RIMKLB: variants seen among roughly 807,000 people sequenced by gnomAD.
RIMKLB encodes beta-citrylglutamate synthase B.
A neutral mutation model predicts 32.0 loss-of-function variants in RIMKLB; 7 were observed. That is an observed-to-expected ratio of 0.22 (90% CI 0.12 to 0.41). The LOEUF (loss-of-function observed/expected upper bound fraction) is 0.41. Among genes scored for constraint, RIMKLB ranks in the 10% least tolerant of loss-of-function variants. RIMKLB has a pLI of 1.00. For synonymous variants in RIMKLB, 172 were observed against 185.1 expected (o/e 0.93, Z 0.57); for missense variants, 289 against 498.7 (o/e 0.58, Z 4.00).
At chr12:8,708,138 A>G (rs1565557879) in intron 1 of RIMKLB, among the ~76,000 whole-genome samples, 1 of 152,106 alleles carries the variant, frequency 6.6e-6, no homozygotes, top group Non-Finnish European at 1.5e-5. Context: ...TTCTATACAG[A>G]TTCTATTGTG....
intron 2 of RIMKLB, among the ~76,000 whole-genome samples, chr12:8,714,985 T>C (rs1402106516): frequency 6.6e-6 from 1 of 152,302 alleles, no homozygotes; most frequent in Non-Finnish European, 1.5e-5. Flanking sequence ...TACAATAAAA[T>C]CTTACCTTTA....
rs769335545 is a variant in RIMKLB, at chr12:8,713,805, A to G, written c.-56-6A>G. On this transcript the variant is annotated splice_region_variant and splice_polypyrimidine_tract_variant and intron_variant, in intron 1 of 5. Coordinates refer to ENST00000535829, the MANE Select transcript of RIMKLB (RefSeq NM_001297776.2). Reference sequence around the variant, plus strand: ...ACCTTTTATGTATATTTTTTCTTCCATCTAGGTAGACGTTACATCCAAGAG... The same window carrying G: ...ACCTTTTATGTATATTTTTTCTTCCGTCTAGGTAGACGTTACATCCAAGAG... 6 of 1,532,980 alleles carry G rather than the reference A, an allele frequency of 3.9e-6. No homozygotes were observed. The highest frequency in any genetic ancestry group is 5.4e-6 in the Non-Finnish European group (6 of 1,106,696). The allele number at this position is 1,532,980 out of a possible 1,614,324, so 95.0% of individuals were successfully genotyped here.
chr12:8,725,951 G>A (rs1014693686), intron 2 of RIMKLB, among the ~76,000 whole-genome samples: 3 of 152,186 alleles, frequency 2.0e-5, no homozygotes, highest in Admixed American at 6.5e-5. Context: ...AGGTTCAAGC[G>A]ATTCTCCTGT....
intron 2 of RIMKLB, among the ~76,000 whole-genome samples, chr12:8,727,773 C>T (rs762899769): frequency 6.6e-6 from 1 of 152,032 alleles, no homozygotes; most frequent in East Asian, 1.9e-4. Context: ...GTGGCGGGCA[C>T]CTGTAATCCC....
At chr12:8,755,198 G>A (rs943502060) in intron 5 of RIMKLB, among the ~76,000 whole-genome samples, 2 of 152,026 alleles carry the variant, frequency 1.3e-5, no homozygotes, top group Non-Finnish European at 2.9e-5. Flanking sequence ...TGATATGCCT[G>A]CCTCGGCCTC....
chr12:8,778,750 G>T (rs1402968634), downstream of RIMKLB, among the ~76,000 whole-genome samples: 1 of 152,156 alleles, frequency 6.6e-6, no homozygotes, highest in African/African-American at 2.4e-5. Flanking sequence ...CTAATAGGTA[G>T]AATTTTAGTG....
At chr12:8,710,803 A>G (rs926123213) in intron 1 of RIMKLB, among the ~76,000 whole-genome samples, 1 of 151,974 alleles carries the variant, frequency 6.6e-6, no homozygotes, top group Admixed American at 6.6e-5. Context: ...CAACTGCCAC[A>G]CTCAGGTGAA....
Position 8,776,557 on chromosome 12 carries a change from A to G in RIMKLB, c.*2773A>G. 3 of 813,248 alleles carry G rather than the reference A, an allele frequency of 3.7e-6. No homozygotes were observed. Among genetic ancestry groups the G allele is most frequent in the Non-Finnish European group, 4.5e-6 (3 of 673,312 alleles). The allele number at this position is 813,248 out of a possible 1,614,324, so 50.4% of individuals were successfully genotyped here. ...TATATTGTTAAAATTGTAATTCTAAATTGTATTTCAAAAATGATTATTTCT... is the reference window on the plus strand; with the variant it reads ...TATATTGTTAAAATTGTAATTCTAAGTTGTATTTCAAAAATGATTATTTCT... On this transcript the variant is annotated 3_prime_UTR_variant, in exon 6 of 6. Coordinates refer to ENST00000535829, the MANE Select transcript of RIMKLB (RefSeq NM_001297776.2).
chr12:8,725,193 A>C (rs888959078), intron 2 of RIMKLB, among the ~76,000 whole-genome samples: 2 of 152,188 alleles, frequency 1.3e-5, no homozygotes. Context: ...ATTCAGGTGA[A>C]GACTTTTCTG....
intron 2 of RIMKLB, among the ~76,000 whole-genome samples, chr12:8,722,581 A>G (rs971557311): frequency 6.6e-6 from 1 of 152,224 alleles, no homozygotes; most frequent in South Asian, 2.1e-4. Flanking sequence ...TTCGCTCCTA[A>G]CAAAAGAATT....
chr12:8,686,301 CTTTCCTTTTT>C (rs1185450664), intron 1 of RIMKLB, among the ~76,000 whole-genome samples: 1 of 151,034 alleles, frequency 6.6e-6, no homozygotes, highest in African/African-American at 2.4e-5. Context: ...ATTTCCTTTC[CTTTCCTTTTT>C]GGAGACGGAG....
At chr12:8,703,430 C>T (rs900802308) in intron 1 of RIMKLB, among the ~76,000 whole-genome samples, 4 of 152,272 alleles carry the variant, frequency 2.6e-5, no homozygotes, top group Admixed American at 6.5e-5. Flanking sequence ...TAGGCTCAAG[C>T]GAACCCCCTG....
At chr12:8,736,311 T>G (rs766063977) in intron 2 of RIMKLB, among the ~76,000 whole-genome samples, 2 of 152,344 alleles carry the variant, frequency 1.3e-5, no homozygotes, top group South Asian at 4.1e-4. Context: ...AGCTTTGTCT[T>G]TCTTTTAAGA....
rs990088151 is a variant in RIMKLB, at chr12:8,774,863, C to T, written c.*1079C>T. 5.1e-6 allele frequency: 5 copies of T among 985,276 alleles called. No homozygotes were observed. The highest frequency in any genetic ancestry group is 6.2e-5 in the Admixed American group (1 of 16,244). The allele number at this position is 985,276 out of a possible 1,614,324, so 61.0% of individuals were successfully genotyped here. A position where few individuals can be genotyped will look rare whatever the true frequency, so the allele number is the denominator to read the frequency against. On this transcript the variant is annotated 3_prime_UTR_variant, in exon 6 of 6. Coordinates refer to ENST00000535829, the MANE Select transcript of RIMKLB (RefSeq NM_001297776.2). ...ATATATTTGCATTTTTCACATTTTA[C>T]GAGGGAGTATATGTGTATGTGTGTG...
intron 5 of RIMKLB, among the ~76,000 whole-genome samples, chr12:8,770,396 T>C (rs747980236): frequency 6.6e-6 from 1 of 152,366 alleles, no homozygotes; most frequent in South Asian, 2.1e-4. Flanking sequence ...TTTTACTGTA[T>C]GTCTCTTCTG....
chr12:8,715,933 T>TA (rs1195123205), intron 2 of RIMKLB, among the ~76,000 whole-genome samples: 2 of 152,228 alleles, frequency 1.3e-5, no homozygotes, highest in Admixed American at 1.3e-4. Context: ...TTGTTCAACT[T>TA]ACACAGCTTT....
intron 4 of RIMKLB, among the ~76,000 whole-genome samples, chr12:8,752,834 A>AGATTCAAGCGATTCTCCT (rs1247834053): frequency 2.0e-5 from 3 of 151,646 alleles, no homozygotes; most frequent in Non-Finnish European, 2.9e-5. Context: ...TCTGTCTCCC[A>AGATTCAAGCGATTCTCCT]GATTCAAGCG....
intron 3 of RIMKLB, 42 bp from the exon 4 acceptor site, chr12:8,751,915 T>G: frequency 8.1e-7 from 1 of 1,230,024 alleles, no homozygotes; most frequent in Non-Finnish European, 1.2e-6. Flanking sequence ...ACAAAATACT[T>G]CTGCTGCTGT....
intron 2 of RIMKLB, among the ~76,000 whole-genome samples, chr12:8,735,976 T>C (rs1476140546): frequency 1.3e-5 from 2 of 151,902 alleles, no homozygotes; most frequent in Non-Finnish European, 2.9e-5. Flanking sequence ...GTGATCTGCC[T>C]GCCTCAGCCT....
Sources: gnomAD v4.1 joint callset for allele counts (sites outside exome capture counted in the v4.1 genomes callset) on GRCh38, gnomAD v4.1.1 for gene constraint, MANE v1.5 for transcripts, NCBI Gene and HGNC (gene_info 2026-07-23, HGNC 2026-07-21) for gene names.